ZNF385D: variants seen among roughly 807,000 people sequenced by gnomAD.
ZNF385D encodes zinc finger protein 385D.
ZNF385D carries 15 observed loss-of-function variants against 35.8 expected under a neutral mutation model. The ratio of observed to expected loss-of-function variants is 0.42; its 90% CI spans 0.28 to 0.64. The LOEUF is 0.64. Among genes scored for constraint, ZNF385D ranks in the 30% least tolerant of loss-of-function variants. The pLI is 0.23. For missense variants in ZNF385D, 474 were observed against 494.6 expected (o/e 0.96, Z 0.39); for synonymous variants, 212 against 186.8 (o/e 1.13, Z -1.10).
intron 3 of ZNF385D, among the ~76,000 whole-genome samples, chr3:22,010,990 CTA>C (rs1351215485): frequency 6.6e-6 from 1 of 152,098 alleles, no homozygotes; most frequent in East Asian, 1.9e-4. Flanking sequence ...CCTGGATAGA[CTA>C]TTTCAATGGA....
Position 21,414,716 on chromosome 3 carries a change from T to G in ZNF385D, c.*6498A>C, listed in dbSNP as rs1182674729. 6.6e-6 allele frequency: 1 copy of G among 152,168 alleles called. No individual in the cohort carries two copies. Among genetic ancestry groups the G allele is most frequent in the Non-Finnish European group, 1.5e-5 (1 of 68,006 alleles). The allele number at this position is 152,168 out of a possible 1,614,324, so 9.4% of individuals were successfully genotyped here. ...TAGTGAAGCCAACAACTGTGTTCAC[T>G]GTTCTGTGATGCTCGATCTTGTGCC... is the stretch of plus-strand genomic sequence containing the variant. On this transcript the variant is annotated 3_prime_UTR_variant, in exon 8 of 8. Coordinates refer to ENST00000281523, the MANE Select transcript of ZNF385D (RefSeq NM_024697.3).
intron 1 of ZNF385D, among the ~76,000 whole-genome samples, chr3:21,699,362 T>A (rs1361345717): frequency 6.6e-6 from 1 of 151,918 alleles, no homozygotes. Context: ...AGGGGAGGGA[T>A]AGCATTAGGA....
intron 2 of ZNF385D, among the ~76,000 whole-genome samples, chr3:22,190,715 G>C (rs997282776): frequency 6.6e-6 from 1 of 152,080 alleles, no homozygotes; most frequent in African/African-American, 2.4e-5. Context: ...ATTTTTTAGT[G>C]AAGGTGCAAT....
intron 2 of ZNF385D, among the ~76,000 whole-genome samples, chr3:22,368,080 G>A (rs1287053086): frequency 6.6e-6 from 1 of 152,144 alleles, no homozygotes; most frequent in Non-Finnish European, 1.5e-5. Context: ...GCTACATGCT[G>A]GCTTGTTTTG....
chr3:22,276,841 G>C (rs1310741831), intron 2 of ZNF385D, among the ~76,000 whole-genome samples: 1 of 151,904 alleles, frequency 6.6e-6, no homozygotes, highest in African/African-American at 2.4e-5. Context: ...AAATAATAAA[G>C]GGTACAATTT....
At position 21,476,275 on chromosome 3, in the gene ZNF385D, C is replaced by G. The variant is rs566056850; in HGVS notation, c.439+34586G>C. 3.3e-5 allele frequency among the ~76,000 whole-genome samples: 5 copies of G among 152,120 alleles called. No homozygotes were observed. The East Asian group carries it at 9.7e-4, about 29-fold the overall frequency. ...ATTGTCATCATGAGGGAAGGCCACT[C>G]CTTATTTAATTGTTCATTCAGCCCC... On this transcript the variant is annotated intron_variant, in intron 4 of 7. Transcript: ENST00000281523.
intron 2 of ZNF385D, among the ~76,000 whole-genome samples, chr3:22,258,445 C>T (rs930093569): frequency 6.6e-6 from 1 of 151,592 alleles, no homozygotes; most frequent in African/African-American, 2.4e-5. Context: ...GGAAGAGATA[C>T]AAATGTACTC....
intron 2 of ZNF385D, among the ~76,000 whole-genome samples, chr3:21,594,259 T>A (rs2064066291): frequency 6.6e-6 from 1 of 152,214 alleles, no homozygotes; most frequent in African/African-American, 2.4e-5. Context: ...TTCTCTGGAC[T>A]TCCCATGGTT....
intron 2 of ZNF385D, among the ~76,000 whole-genome samples, chr3:22,276,383 T>G (rs1421904482): frequency 6.6e-6 from 1 of 152,104 alleles, no homozygotes; most frequent in Non-Finnish European, 1.5e-5. Flanking sequence ...AATGCTTATC[T>G]TAGCATAGTG....
At chr3:21,791,158 T>G (rs1349603449) in intron 3 of ZNF385D, among the ~76,000 whole-genome samples, 1 of 152,222 alleles carries the variant, frequency 6.6e-6, no homozygotes, top group Non-Finnish European at 1.5e-5. Flanking sequence ...TAAGCTTTAT[T>G]GCATGTTTTC....
chr3:21,785,349 A>G (rs1158730683), intron 3 of ZNF385D, among the ~76,000 whole-genome samples: 1 of 152,186 alleles, frequency 6.6e-6, no homozygotes, highest in Non-Finnish European at 1.5e-5. Flanking sequence ...TCACATATTC[A>G]TCATTTCCTA....
intron 2 of ZNF385D, chr3:21,579,169 T>A (rs904743360): frequency 1.3e-5 from 2 of 152,314 alleles, no homozygotes; most frequent in East Asian, 3.9e-4. Context: ...AAAGTATAAT[T>A]CTGGTTATTA....
chr3:22,151,177 G>C (rs1705207833), intron 3 of ZNF385D, among the ~76,000 whole-genome samples: 2 of 152,104 alleles, frequency 1.3e-5, no homozygotes, highest in African/African-American at 4.8e-5. Flanking sequence ...GTTTCATGGG[G>C]CAGGGGCACC....
At chr3:22,140,531 C>A (rs182195194) in intron 3 of ZNF385D, among the ~76,000 whole-genome samples, 25 of 152,038 alleles carry the variant, frequency 1.6e-4, no homozygotes, top group African/African-American at 4.3e-4. Context: ...TATACCCCCC[C>A]AAAAACATGT....
intron 3 of ZNF385D, among the ~76,000 whole-genome samples, chr3:21,559,630 T>G (rs1276976986): frequency 6.6e-6 from 1 of 152,146 alleles, no homozygotes; most frequent in Admixed American, 6.5e-5. Context: ...ATCTGATGAT[T>G]ATGTGTCTTG....
At position 22,148,613 on chromosome 3, in the gene ZNF385D, C is replaced by T. The variant is rs78978593; in HGVS notation, c.325+20204G>A. 9.0e-3 allele frequency among the ~76,000 whole-genome samples: 1,373 copies of T among 152,192 alleles called. 10 individuals carry two copies. The highest frequency in any genetic ancestry group is 0.015 in the Non-Finnish European group (987 of 67,992). ...AAGAGGAGCTGCTCTTGAAAAATAG[C>T]GTGACAAGTTTACTGAGCAAAGCAG... On this transcript the variant is annotated intron_variant, in intron 3 of 5. Transcript: ENST00000494108.
chr3:21,702,273 T>C (rs1201057538), intron 1 of ZNF385D, among the ~76,000 whole-genome samples: 2 of 152,174 alleles, frequency 1.3e-5, no homozygotes, highest in East Asian at 1.9e-4. Context: ...TAACACCACA[T>C]AGAAGCCCCT....
intron 2 of ZNF385D, among the ~76,000 whole-genome samples, chr3:22,368,277 C>T (rs1217427950): frequency 6.6e-6 from 1 of 152,138 alleles, no homozygotes; most frequent in African/African-American, 2.4e-5. Context: ...GAATAAGATA[C>T]TCTTTGAGAC....
chr3:21,770,185 T>C (rs562094947), intron 3 of ZNF385D, among the ~76,000 whole-genome samples: 1 of 152,216 alleles, frequency 6.6e-6, no homozygotes, highest in South Asian at 2.1e-4. Context: ...GCGCAAGGAC[T>C]TCATGTCTAA....
Sources: allele counts gnomAD v4.1 joint callset (sites outside exome capture counted in the v4.1 genomes callset), GRCh38; gene constraint gnomAD v4.1.1; transcripts MANE v1.5; gene names NCBI Gene and HGNC (gene_info 2026-07-23, HGNC 2026-07-21).